PACC1: variants seen among roughly 807,000 people sequenced by gnomAD.
PACC1 encodes proton activated chloride channel 1.
A neutral mutation model predicts 39.7 loss-of-function variants in PACC1; 34 were observed. That is an observed-to-expected ratio of 0.86 (90% confidence interval 0.65 to 1.14). The LOEUF is 1.14. PACC1 is among the 50% of genes most tolerant of loss of function. PACC1 has a pLI of 0.00. For missense variants in PACC1, 379 were observed against 436.4 expected (o/e 0.87, Z 1.17); for synonymous variants, 127 against 160.6 (o/e 0.79, Z 1.58).
intron 2 of PACC1, among the ~76,000 whole-genome samples, chr1:212,400,778 C>T (rs1661682524): frequency 6.6e-6 from 1 of 152,126 alleles, no homozygotes; most frequent in Admixed American, 6.6e-5. Context: ...AAAAATAATG[C>T]ACAAGATGTT....
intron 2 of PACC1, among the ~76,000 whole-genome samples, chr1:212,399,038 CCAAATGGGA>C (rs1228562371): frequency 6.6e-6 from 1 of 152,204 alleles, no homozygotes; most frequent in East Asian, 1.9e-4. Context: ...CTCCCATGGT[CCAAATGGGA>C]CCATGGGTAT....
intron 2 of PACC1, among the ~76,000 whole-genome samples, chr1:212,394,721 A>C (rs1405862985): frequency 6.6e-6 from 1 of 151,844 alleles, no homozygotes; most frequent in African/African-American, 2.4e-5. Context: ...TTAAGCTGAT[A>C]AGCAACTTCA....
At chr1:212,390,949 C>T (rs1024107408) in intron 2 of PACC1, among the ~76,000 whole-genome samples, 6 of 152,272 alleles carry the variant, frequency 3.9e-5, no homozygotes, top group Non-Finnish European at 7.4e-5. Context: ...CCGGGAAGCT[C>T]GAACTGGGTG....
chr1:212,391,835 G>A (rs1050627683), intron 2 of PACC1, among the ~76,000 whole-genome samples: 1 of 152,078 alleles, frequency 6.6e-6, no homozygotes, highest in Non-Finnish European at 1.5e-5. Context: ...TGGAAGAAAG[G>A]GTATCAGTGA....
chr1:212,409,507 A>T (rs925471443), intron 2 of PACC1, among the ~76,000 whole-genome samples: 3 of 152,204 alleles, frequency 2.0e-5, no homozygotes, highest in African/African-American at 7.2e-5. Flanking sequence ...TGAGGGCCAG[A>T]GAAAAAGGGG....
At chr1:212,410,005 A>C (rs1228930620) in intron 2 of PACC1, 3 of 185,098 alleles carry the variant, frequency 1.6e-5, no homozygotes, top group Admixed American at 1.6e-4. Context: ...GTAGGGCTCC[A>C]TAAGATGCCA....
chr1:212,387,635 T>G (rs948794265), intron 2 of PACC1: 2 of 154,546 alleles, frequency 1.3e-5, no homozygotes, highest in African/African-American at 4.8e-5. Flanking sequence ...TTGATTTTCT[T>G]TTCTTCCACA....
intron 2 of PACC1, among the ~76,000 whole-genome samples, chr1:212,400,573 T>C (rs531539065): frequency 1.3e-5 from 2 of 152,090 alleles, no homozygotes; most frequent in Non-Finnish European, 2.9e-5. Flanking sequence ...ACACTTGCTA[T>C]AAGTAACACT....
chr1:212,384,213 T>C (rs974497963), intron 4 of PACC1, among the ~76,000 whole-genome samples: 1 of 152,220 alleles, frequency 6.6e-6, no homozygotes, highest in Non-Finnish European at 1.5e-5. Flanking sequence ...AAAGCTATTA[T>C]TGATGTTCTA....
intron 1 of PACC1, among the ~76,000 whole-genome samples, 200 bp downstream of exon 1, chr1:212,414,522 G>A (rs778451754): frequency 6.6e-5 from 10 of 152,152 alleles, no homozygotes; most frequent in Non-Finnish European, 1.5e-4. Flanking sequence ...AACGCTGGGC[G>A]CCCGCTCCGC....
intron 2 of PACC1, among the ~76,000 whole-genome samples, chr1:212,409,055 A>C (rs1199343184): frequency 6.6e-6 from 1 of 152,198 alleles, no homozygotes; most frequent in Non-Finnish European, 1.5e-5. Flanking sequence ...TGCACATACA[A>C]GGGATCTAGG....
chr1:212,399,674 C>T (rs567432271), intron 2 of PACC1, among the ~76,000 whole-genome samples: 27 of 152,168 alleles, frequency 1.8e-4, no homozygotes, highest in African/African-American at 5.8e-4. Context: ...TCCTGAGTAG[C>T]TGGGACTACA....
intron 4 of PACC1, among the ~76,000 whole-genome samples, chr1:212,382,610 C>T (rs1660945404): frequency 6.6e-6 from 1 of 152,172 alleles, no homozygotes; most frequent in Admixed American, 6.5e-5. Flanking sequence ...TTCACATGAA[C>T]TTGATTAGAT....
At chr1:212,391,183 G>A (rs1292401119) in intron 2 of PACC1, among the ~76,000 whole-genome samples, 2 of 152,186 alleles carry the variant, frequency 1.3e-5, no homozygotes, top group East Asian at 3.9e-4. Flanking sequence ...TATCTGGGAG[G>A]CACCCCCAAG....
intron 7 of PACC1, among the ~76,000 whole-genome samples, chr1:212,365,815 A>G (rs1660219896): frequency 1.3e-5 from 2 of 152,226 alleles, no homozygotes. Flanking sequence ...CTCTGCACAA[A>G]TAAGATAGGC....
At chr1:212,398,869 T>C (rs1462652289) in intron 2 of PACC1, among the ~76,000 whole-genome samples, 2 of 152,188 alleles carry the variant, frequency 1.3e-5, no homozygotes, top group African/African-American at 4.8e-5. Context: ...TTCCACCAGA[T>C]ACCTCACAAG....
intron 7 of PACC1, among the ~76,000 whole-genome samples, chr1:212,365,864 C>G (rs1297507229): frequency 6.6e-6 from 1 of 152,118 alleles, no homozygotes; most frequent in Non-Finnish European, 1.5e-5. Context: ...AATAAGTGAC[C>G]TTGCTTTGAG....
chr1:212,389,900 G>T (rs903852429), intron 2 of PACC1, among the ~76,000 whole-genome samples: 12 of 152,096 alleles, frequency 7.9e-5, no homozygotes, highest in Admixed American at 5.2e-4. Flanking sequence ...TAAAAAAACA[G>T]ATGGAAATTC....
At chr1:212,394,256 A>G (rs1371778814) in intron 2 of PACC1, among the ~76,000 whole-genome samples, 1 of 152,270 alleles carries the variant, frequency 6.6e-6, no homozygotes, top group Non-Finnish European at 1.5e-5. Flanking sequence ...AGTGGGCTTC[A>G]TCCCTGGGAT....
Sources: allele counts gnomAD v4.1 joint callset (sites outside exome capture counted in the v4.1 genomes callset), GRCh38; gene constraint gnomAD v4.1.1; transcripts MANE v1.5; gene names NCBI Gene and HGNC (gene_info 2026-07-23, HGNC 2026-07-21).